Variants in COL24A1 observed in about 807,000 individuals in gnomAD.
COL24A1 encodes collagen alpha-1(XXIV) chain.
COL24A1 carries 224 observed loss-of-function variants against 253.9 expected under a neutral mutation model. The observed-to-expected ratio is 0.88, with a 90% CI of 0.79 to 0.99. The LOEUF is 0.99. Among genes scored for constraint, COL24A1 ranks in the 50% least tolerant of loss-of-function variants. The pLI, the probability that COL24A1 is intolerant of heterozygous loss-of-function variation, is 0.00. For missense variants in COL24A1, 2,131 were observed against 2,068.5 expected, an observed-to-expected ratio of 1.03 and a Z score of -0.59; for synonymous variants, 685 against 673.7, an observed-to-expected ratio of 1.02 and a Z score of -0.26.
chr1:85,809,768 C>G (rs911183505), intron 47 of COL24A1, among the ~76,000 whole-genome samples: 1 of 147,698 alleles, frequency 6.8e-6, no homozygotes, highest in Non-Finnish European at 1.5e-5. Flanking sequence ...TATACACACA[C>G]ACATATATAT....
intron 19 of COL24A1, among the ~76,000 whole-genome samples, chr1:85,995,550 CA>C (rs1224886190): frequency 6.6e-6 from 1 of 152,102 alleles, no homozygotes; most frequent in East Asian, 1.9e-4. Flanking sequence ...TCCATAGTGA[CA>C]AAAAGCAGAT....
At chr1:85,926,603 T>A (rs1687261053) in intron 24 of COL24A1, among the ~76,000 whole-genome samples, 1 of 149,432 alleles carries the variant, frequency 6.7e-6, no homozygotes, top group African/African-American at 2.5e-5. Flanking sequence ...CACTCATAGG[T>A]GGGAATTGAA....
chr1:85,847,917 C>A, intron 38 of COL24A1, 145 bp from the exon 39 acceptor site: 1 of 422,102 alleles, frequency 2.4e-6, no homozygotes, highest in Non-Finnish European at 4.2e-6. Context: ...CATACCATCA[C>A]TATATAAGTT....
chr1:85,732,629 T>C (rs987032792), intron 59 of COL24A1, among the ~76,000 whole-genome samples: 2 of 151,944 alleles, frequency 1.3e-5, no homozygotes, highest in Non-Finnish European at 2.9e-5. Context: ...TTTACTTTAA[T>C]TTTTATTTTA....
chr1:85,879,280 A>T (rs529994911), intron 32 of COL24A1, among the ~76,000 whole-genome samples: 2 of 125,876 alleles, frequency 1.6e-5, no homozygotes, highest in East Asian at 4.2e-4. Context: ...TGTGTGTGTA[A>T]GGTGTAAGAT....
rs774819825 is a variant in COL24A1, at chr1:86,125,279, T to C, written c.1057A>G (p.Thr353Ala). The C allele has an allele frequency of 2.1e-5, 34 of 1,613,454 alleles. No individual in the cohort carries two copies. Among genetic ancestry groups the C allele is most frequent in the African/African-American group, 4.0e-5 (3 of 74,836 alleles). The change falls in exon 3 of 60, where the codon ACT (threonine) becomes GCT (alanine). Residue 353 changes from threonine (T) to alanine (A), a missense_variant. Physicochemically the swap from Thr to Ala is moderately conservative, Grantham distance 58. Transcript: ENST00000370571. ...ATTTTTGCCTCACTGATGCGATGAG[T>C]GGTCACTGACAGGCTGAAATTTGTC... ...TQTNFSLSVT[T>A]HRISEAKMNT...
chr1:85,811,825 G>T (rs1173220964), intron 47 of COL24A1, among the ~76,000 whole-genome samples: 1 of 152,198 alleles, frequency 6.6e-6, no homozygotes, highest in Non-Finnish European at 1.5e-5. Context: ...AGTAAGAAAA[G>T]GCTCTGCAGC....
chr1:86,129,863 T>C (rs927401277), intron 2 of COL24A1, among the ~76,000 whole-genome samples: 1 of 151,856 alleles, frequency 6.6e-6, no homozygotes, highest in South Asian at 2.1e-4. Flanking sequence ...GTACAAAATT[T>C]AATACATACC....
chr1:86,080,450 A>G (rs1702550575), intron 7 of COL24A1, among the ~76,000 whole-genome samples: 2 of 152,170 alleles, frequency 1.3e-5, no homozygotes, highest in African/African-American at 4.8e-5. Flanking sequence ...ATTGTTTGTA[A>G]CACACAGGAT....
At chr1:85,788,493 A>T (rs11579570) in intron 47 of COL24A1, among the ~76,000 whole-genome samples, 56,997 of 151,744 alleles carry the variant, frequency 0.38, 12,195 homozygotes, top group Non-Finnish European at 0.49. Context: ...GATTGCAAAA[A>T]TTTTCTCCCA....
chr1:86,030,276 C>T (rs1439033034), intron 14 of COL24A1: 1 of 152,252 alleles, frequency 6.6e-6, no homozygotes, highest in African/African-American at 2.4e-5. Context: ...GGCTTTGTAA[C>T]ATGCTGAAGA....
chr1:86,133,394 T>C (rs1649632797), intron 2 of COL24A1, among the ~76,000 whole-genome samples: 1 of 152,140 alleles, frequency 6.6e-6, no homozygotes, highest in African/African-American at 2.4e-5. Context: ...CTATGTTGAG[T>C]AGGAGTGGTG....
intron 5 of COL24A1, among the ~76,000 whole-genome samples, chr1:86,104,733 G>T (rs978540767): frequency 1.3e-5 from 2 of 152,192 alleles, no homozygotes; most frequent in African/African-American, 2.4e-5. Flanking sequence ...GCCCTTCAAG[G>T]TTAGGATCCC....
intron 24 of COL24A1, among the ~76,000 whole-genome samples, chr1:85,914,480 T>G (rs1039047587): frequency 6.6e-6 from 1 of 151,514 alleles, no homozygotes; most frequent in Non-Finnish European, 1.5e-5. Context: ...AACCTCTGCC[T>G]CCTGGCTTCA....
Position 86,125,458 on chromosome 1 carries a change from A to T in COL24A1, c.878T>A (p.Ile293Asn), listed in dbSNP as rs17128866. ...TFTEGKSIPN[I>N]IKNDSETVYK... ...CACGGTTTCAGAATCATTTTTTATG[A>T]TATTTGGAATGCTTTTGCCTTCAGT... is the stretch of plus-strand genomic sequence containing the variant. Residue 293 changes from isoleucine (I) to asparagine (N), a missense_variant, in exon 3 of 60, where the codon ATC (isoleucine) becomes AAC (asparagine). Coordinates refer to ENST00000370571, the MANE Select transcript of COL24A1 (RefSeq NM_152890.7). 5.0e-6 allele frequency: 8 copies of T among 1,613,500 alleles called. No individual in the cohort carries two copies. In the South Asian group the frequency reaches 8.8e-5, roughly 18 times the overall value.
chr1:85,968,748 C>T (rs559247), intron 22 of COL24A1, among the ~76,000 whole-genome samples: 84,115 of 151,876 alleles, frequency 0.55, 24,313 homozygotes, highest in African/African-American at 0.7. Flanking sequence ...CTGTGTAGTA[C>T]ATTAAGATAG....
In COL24A1 at chr1:85,991,164, T is replaced by C. The variant is rs143370661; in HGVS notation, c.2311-3510A>G. ...AAACCTGAATATGGTAAGGTCTCTA[T>C]ATGTGACTACCAATTTGCAGGAAAC... is the stretch of plus-strand genomic sequence containing the variant. On this transcript the variant is annotated intron_variant, in intron 19 of 59. Transcript: ENST00000370571. Among the ~76,000 whole-genome samples, 53 of 152,242 alleles carry C rather than the reference T, an allele frequency of 3.5e-4. 1 individual carries two copies. The East Asian group carries it at 9.5e-3, about 27-fold the overall frequency.
chr1:85,840,321 AT>A (rs1676459700), intron 42 of COL24A1, among the ~76,000 whole-genome samples: 1 of 152,158 alleles, frequency 6.6e-6, no homozygotes, highest in African/African-American at 2.4e-5. Flanking sequence ...CTAGAATATT[AT>A]TTAATAAAGA....
chr1:86,156,733 A>G lies in COL24A1; in HGVS notation c.-337T>C. 4.8e-6 allele frequency: 1 copy of G among 210,014 alleles called. No homozygotes were observed. Among genetic ancestry groups the G allele is most frequent in the South Asian group, 1.3e-4 (1 of 7,684 alleles). The allele number at this position is 210,014 out of a possible 1,614,324, so 13.0% of individuals were successfully genotyped here. ...GAGCCGGGCTGCTAGTGCAGCACTC[A>G]AGTTCACTTGCGGTTCAAAGGCGAC... On this transcript the variant is annotated 5_prime_UTR_variant, in exon 1 of 60. Transcript: ENST00000370571.
Sources: allele counts gnomAD v4.1 joint callset (sites outside exome capture counted in the v4.1 genomes callset), GRCh38; gene constraint gnomAD v4.1.1; transcripts MANE v1.5; gene names NCBI Gene and HGNC (gene_info 2026-07-23, HGNC 2026-07-21).